Variants in RALA observed in about 807,000 individuals in gnomAD.
The protein encoded by RALA is ras-related protein Ral-A.
Under a neutral mutation model 24.0 loss-of-function variants are expected in RALA, and 5 were observed. The ratio of observed to expected loss-of-function variants is 0.21; its 90% CI spans 0.11 to 0.44. The LOEUF is 0.44. RALA is among the 20% of genes least tolerant of loss of function. The pLI is 0.99. For missense variants in RALA, 95 were observed against 241.2 expected, an observed-to-expected ratio of 0.39 and a Z score of 4.01; for synonymous variants, 77 against 83.8, an observed-to-expected ratio of 0.92 and a Z score of 0.44.
intron 1 of RALA, among the ~76,000 whole-genome samples, chr7:39,660,722 C>T (rs544737696): frequency 2.0e-5 from 3 of 152,016 alleles, no homozygotes; most frequent in Non-Finnish European, 4.4e-5. Flanking sequence ...AATTTTTTTA[C>T]AGATTTACAA....
chr7:39,666,735 C>T (rs1057017031), intron 1 of RALA, among the ~76,000 whole-genome samples: 16 of 152,130 alleles, frequency 1.1e-4, no homozygotes, highest in Non-Finnish European at 1.8e-4. Context: ...GCTATTCACC[C>T]GCAGTTCCAC....
At chr7:39,648,926 G>A (rs530132844) in intron 1 of RALA, among the ~76,000 whole-genome samples, 5 of 152,284 alleles carry the variant, frequency 3.3e-5, no homozygotes, top group East Asian at 3.9e-4. Context: ...GGGCATGGTG[G>A]CATGCGCCTG....
chr7:39,656,642 G>A (rs1008799035), intron 1 of RALA, among the ~76,000 whole-genome samples: 1 of 152,186 alleles, frequency 6.6e-6, no homozygotes, highest in Non-Finnish European at 1.5e-5. Flanking sequence ...AAACTGTTAG[G>A]TTATATTGTG....
intron 1 of RALA, among the ~76,000 whole-genome samples, chr7:39,626,462 G>A (rs1015950561): frequency 7.9e-5 from 12 of 152,210 alleles, no homozygotes; most frequent in Admixed American, 4.6e-4. Context: ...GACTGAGCTG[G>A]AACTGGAGCT....
At chr7:39,703,102 T>C (rs1266361409) in intron 4 of RALA, 1 of 152,248 alleles carries the variant, frequency 6.6e-6, no homozygotes, top group East Asian at 1.9e-4. Flanking sequence ...GTGTACTCTG[T>C]GAATATGTGT....
At chr7:39,658,507 G>A (rs1016648833) in intron 1 of RALA, among the ~76,000 whole-genome samples, 3 of 151,776 alleles carry the variant, frequency 2.0e-5, no homozygotes, top group African/African-American at 7.3e-5. Context: ...AGTTTTATAT[G>A]GTTTCACTTT....
intron 1 of RALA, among the ~76,000 whole-genome samples, chr7:39,628,403 A>G (rs2115906697): frequency 6.6e-6 from 1 of 151,760 alleles, no homozygotes; most frequent in African/African-American, 2.4e-5. Flanking sequence ...ACACACACAC[A>G]CACACACACA....
intron 1 of RALA, among the ~76,000 whole-genome samples, chr7:39,649,231 C>G (rs1386016423): frequency 6.6e-6 from 1 of 152,242 alleles, no homozygotes; most frequent in East Asian, 1.9e-4. Context: ...TATTAGACAA[C>G]TAGTTTTATG....
chr7:39,676,216 C>T (rs905875707), intron 1 of RALA, among the ~76,000 whole-genome samples: 1 of 152,162 alleles, frequency 6.6e-6, no homozygotes, highest in African/African-American at 2.4e-5. Flanking sequence ...ACCTGGTGAT[C>T]TGCCTGCCTC....
intron 3 of RALA, among the ~76,000 whole-genome samples, chr7:39,695,666 A>C (rs1792906027): frequency 6.6e-6 from 1 of 152,026 alleles, no homozygotes; most frequent in Admixed American, 6.6e-5. Flanking sequence ...AGCCTCCCAA[A>C]GTGCTGGGTT....
At chr7:39,686,854 A>G in intron 2 of RALA, 73 bp downstream of exon 2, 1 of 1,134,664 alleles carries the variant, frequency 8.8e-7, no homozygotes, top group South Asian at 1.4e-5. Flanking sequence ...TTTTGGTGCT[A>G]TTTTGTATGG....
intron 3 of RALA, among the ~76,000 whole-genome samples, chr7:39,693,274 T>C (rs918695395): frequency 6.6e-6 from 1 of 152,144 alleles, no homozygotes; most frequent in Non-Finnish European, 1.5e-5. Context: ...CGCAGGGACA[T>C]GGATGAAGCT....
At chr7:39,673,466 A>G (rs750951941) in intron 1 of RALA, among the ~76,000 whole-genome samples, 31 of 152,182 alleles carry the variant, frequency 2.0e-4, no homozygotes, top group East Asian at 1.9e-4. Context: ...GTCTTCATGT[A>G]TATCTTACAC....
chr7:39,702,367 T>C (rs1793044584), intron 4 of RALA, among the ~76,000 whole-genome samples: 1 of 152,202 alleles, frequency 6.6e-6, no homozygotes. Context: ...GATTTGTGTA[T>C]ATATATACAC....
chr7:39,662,275 GGAGACATTT>G (rs1792205301), intron 1 of RALA, among the ~76,000 whole-genome samples: 1 of 152,016 alleles, frequency 6.6e-6, no homozygotes, highest in African/African-American at 2.4e-5. Flanking sequence ...ATTGGGCTCC[GGAGACATTT>G]TCCCCCGTTG....
At chr7:39,685,940 T>C (rs886334667) in intron 1 of RALA, among the ~76,000 whole-genome samples, 6 of 152,216 alleles carry the variant, frequency 3.9e-5, no homozygotes, top group Non-Finnish European at 7.3e-5. Context: ...GTGCGGTGGC[T>C]CACGCCTGTA....
intron 1 of RALA, among the ~76,000 whole-genome samples, chr7:39,653,221 G>A (rs967060885): frequency 6.6e-6 from 1 of 151,918 alleles, no homozygotes. Context: ...GTAGAGATGG[G>A]GTTTCACCAT....
intron 2 of RALA, 45 bp from the exon 3 acceptor site, chr7:39,690,337 T>C: frequency 6.6e-7 from 1 of 1,513,602 alleles, no homozygotes; most frequent in Non-Finnish European, 9.0e-7. Context: ...AAATAAGTTT[T>C]GAAACGTAAT....
intron 1 of RALA, among the ~76,000 whole-genome samples, chr7:39,686,079 G>A (rs145660235): frequency 1.1e-3 from 169 of 152,096 alleles, no homozygotes; most frequent in African/African-American, 3.7e-3. Flanking sequence ...GGTGGTGCGC[G>A]CTTGTAGTCC....
Sources: gnomAD v4.1 joint callset for allele counts (sites outside exome capture counted in the v4.1 genomes callset) on GRCh38, gnomAD v4.1.1 for gene constraint, MANE v1.5 for transcripts, NCBI Gene and HGNC (gene_info 2026-07-23, HGNC 2026-07-21) for gene names.